MRGPRX3: variants seen among roughly 807,000 people sequenced by gnomAD.
MRGPRX3 encodes the protein MAS related GPR family member X3, also known as mas-related G protein-coupled receptor member X3.
MRGPRX3 carries 14 observed loss-of-function variants against 16.5 expected under a neutral mutation model. The ratio of observed to expected loss-of-function variants is 0.85; its 90% CI spans 0.56 to 1.33. The LOEUF is 1.33. Among genes scored for constraint, MRGPRX3 ranks in the 40% most tolerant of loss-of-function variants. MRGPRX3 has a pLI of 0.00. For missense variants in MRGPRX3, 449 were observed against 413.0 expected, an observed-to-expected ratio of 1.09 and a Z score of -0.76; for synonymous variants, 199 against 180.1, an observed-to-expected ratio of 1.10 and a Z score of -0.84.
chr11:18,122,450 T>C (rs1848849789), intron 1 of MRGPRX3, among the ~76,000 whole-genome samples: 1 of 152,212 alleles, frequency 6.6e-6, no homozygotes, highest in African/African-American at 2.4e-5. Context: ...TGGTTTTCTG[T>C]CCTTGTGATA....
upstream of MRGPRX3, among the ~76,000 whole-genome samples, chr11:18,130,894 A>C (rs1848955340): frequency 6.6e-6 from 1 of 152,178 alleles, no homozygotes; most frequent in African/African-American, 2.4e-5. Context: ...ATTATAGCCA[A>C]CTGATTTTTG....
At chr11:18,135,250 T>G (rs999895401) in intron 1 of MRGPRX3, among the ~76,000 whole-genome samples, 3 of 152,214 alleles carry the variant, frequency 2.0e-5, no homozygotes, top group African/African-American at 7.2e-5. Flanking sequence ...GATACCACAG[T>G]GAAAAAGACA....
rs747161948 is a variant in MRGPRX3 at position 18,137,576 on chromosome 11, T to C, written c.374T>C (p.Leu125Pro). The change falls in exon 2 of 2, where the codon CTG (leucine) becomes CCG (proline). Residue 125 changes from leucine (L) to proline (P), a missense_variant. Transcript: ENST00000621697. Reference protein sequence around the residue: ...AISTERCLSILWPIWYHCRRP... With the variant: ...AISTERCLSIPWPIWYHCRRP... The stretch of plus-strand genomic sequence containing the variant: ...AGCACCGAGCGCTGCCTGTCCATCC[T>C]GTGGCCCATCTGGTACCACTGCCGC... 6.2e-7 allele frequency: 1 copy of C among 1,614,174 alleles called. No homozygotes were observed. The highest frequency in any genetic ancestry group is 8.5e-7 in the Non-Finnish European group (1 of 1,180,050).
upstream of MRGPRX3, among the ~76,000 whole-genome samples, chr11:18,130,398 G>A (rs1239017315): frequency 2.0e-5 from 3 of 152,038 alleles, no homozygotes; most frequent in Non-Finnish European, 2.9e-5. Flanking sequence ...ACCAAGCTGA[G>A]AATCAAATCA....
intron 1 of MRGPRX3, among the ~76,000 whole-genome samples, chr11:18,122,752 G>T (rs183955926): frequency 6.6e-6 from 1 of 152,140 alleles, no homozygotes; most frequent in Non-Finnish European, 1.5e-5. Context: ...GATCCTTGAG[G>T]AATCGCCACA....
intron 1 of MRGPRX3, among the ~76,000 whole-genome samples, chr11:18,134,359 T>A (rs1848989336): frequency 6.6e-6 from 1 of 152,006 alleles, no homozygotes; most frequent in African/African-American, 2.4e-5. Context: ...TGTGGCGGAG[T>A]TGTGTATGTA....
chr11:18,132,928 TC>T (rs1044727124), intron 1 of MRGPRX3, among the ~76,000 whole-genome samples, 189 bp downstream of exon 1: 8 of 152,118 alleles, frequency 5.3e-5, no homozygotes, highest in Non-Finnish European at 1.0e-4. Flanking sequence ...CTAAATGGTG[TC>T]CCCCCTTCTA....
At chr11:18,126,272 A>T (rs1848894508) in intron 1 of MRGPRX3, among the ~76,000 whole-genome samples, 1 of 152,158 alleles carries the variant, frequency 6.6e-6, no homozygotes, top group Non-Finnish European at 1.5e-5. Context: ...TAGTTGATGC[A>T]GTTTCTTCCT....
chr11:18,129,746 A>G (rs1267130221), upstream of MRGPRX3, among the ~76,000 whole-genome samples: 1 of 152,240 alleles, frequency 6.6e-6, no homozygotes, highest in African/African-American at 2.4e-5. Context: ...ACTATAGACC[A>G]GTACCACTGA....
intron 1 of MRGPRX3, among the ~76,000 whole-genome samples, chr11:18,135,663 T>C (rs1489874062): frequency 6.6e-6 from 1 of 152,178 alleles, no homozygotes; most frequent in Non-Finnish European, 1.5e-5. Flanking sequence ...GGAGTTTGTT[T>C]AGGTTAATTT....
chr11:18,125,570 C>T (rs1413360220), intron 1 of MRGPRX3, among the ~76,000 whole-genome samples: 1 of 144,042 alleles, frequency 6.9e-6, no homozygotes, highest in African/African-American at 2.7e-5. Flanking sequence ...GTCGTGATTT[C>T]TCTCTTTTAC....
intron 1 of MRGPRX3, among the ~76,000 whole-genome samples, chr11:18,135,651 C>G (rs748678259): frequency 1.4e-4 from 21 of 152,162 alleles, no homozygotes; most frequent in Non-Finnish European, 2.6e-4. Flanking sequence ...CATTCTCTAT[C>G]TGGAGTTTGT....
chr11:18,130,719 T>C (rs928729979), upstream of MRGPRX3, among the ~76,000 whole-genome samples: 6 of 134,740 alleles, frequency 4.5e-5, no homozygotes, highest in African/African-American at 1.7e-4. Flanking sequence ...AAAACCCGCA[T>C]AGCCAAAGCA....
rs202132063 is a variant in MRGPRX3, at chr11:18,138,088, C to A, written c.886C>A (p.Gln296Lys). The A allele has an allele frequency of 4.3e-6, 7 of 1,614,072 alleles. No individual in the cohort carries two copies. Among genetic ancestry groups the A allele is most frequent in the Admixed American group, 1.7e-5 (1 of 60,006 alleles). Reference protein sequence around the residue: ...NLKLVLQRALQDTPEVDEGGG... With the variant: ...NLKLVLQRALKDTPEVDEGGG... ...GAAGCTGGTTCTCCAGAGGGCTCTG[C>A]AGGACACGCCTGAGGTGGATGAAGG... Residue 296 changes from glutamine (Q) to lysine (K), a missense_variant, in exon 2 of 2, where the codon CAG becomes AAG. By Grantham distance (53) the Gln-to-Lys change is moderately conservative. Coordinates refer to ENST00000621697, the MANE Select transcript of MRGPRX3 (RefSeq NM_001370464.1).
intron 1 of MRGPRX3, among the ~76,000 whole-genome samples, chr11:18,121,743 G>A (rs370024204): frequency 6.6e-6 from 1 of 152,154 alleles, no homozygotes; most frequent in Non-Finnish European, 1.5e-5. Flanking sequence ...GTCCACTCAG[G>A]GTTAAATGGA....
Position 18,123,123 on chromosome 11 carries a change from C to A in MRGPRX3, c.-152+1959C>A, listed in dbSNP as rs533555086. Among the ~76,000 whole-genome samples, 353 of 152,236 alleles carry A rather than the reference C, an allele frequency of 2.3e-3. 2 individuals carry two copies. The highest frequency in any genetic ancestry group is 8.4e-3 in the African/African-American group (347 of 41,544). ...GATGAGTAGATTGCAAAAATTTTCT[C>A]CCATTCTGTAGGTTGCCTGTTTGCT... On this transcript the variant is annotated intron_variant, in intron 1 of 2. Coordinates refer to the MRGPRX3 transcript ENST00000396275.
Position 18,137,487 on chromosome 11 carries a change from C to T in MRGPRX3, c.285C>T (p.Ser95=). The T allele has an allele frequency of 6.2e-7, 1 of 1,614,134 alleles. No homozygotes were observed. The highest frequency in any genetic ancestry group is 8.5e-7 in the Non-Finnish European group (1 of 1,180,028). The change falls in exon 2 of 2, where the codon TCC becomes TCT. Residue 95 remains serine, a synonymous_variant. Coordinates refer to ENST00000621697, the MANE Select transcript of MRGPRX3 (RefSeq NM_001370464.1). ...LRLINIRHPI[S]KILSPVMTFP... is the part of the protein sequence containing the mutation. ...TCATCAATATCCGCCATCCCATCTC[C>T]AAAATCCTCAGTCCTGTGATGACCT...
upstream of MRGPRX3, among the ~76,000 whole-genome samples, chr11:18,130,459 T>A (rs1848949693): frequency 6.6e-6 from 1 of 151,894 alleles, no homozygotes; most frequent in Admixed American, 6.6e-5. Context: ...AAGAATATTC[T>A]TACCCAAGGA....
upstream of MRGPRX3, among the ~76,000 whole-genome samples, chr11:18,131,034 C>T (rs1051035724): frequency 6.6e-6 from 1 of 152,104 alleles, no homozygotes; most frequent in Non-Finnish European, 1.5e-5. Flanking sequence ...AAAATTGATA[C>T]AAGATGGATC....
Sources: gnomAD v4.1 joint callset for allele counts (sites outside exome capture counted in the v4.1 genomes callset) on GRCh38, gnomAD v4.1.1 for gene constraint, MANE v1.5 for transcripts, NCBI Gene and HGNC (gene_info 2026-07-23, HGNC 2026-07-21) for gene names.